Variants in EPS8 observed in about 807,000 individuals in gnomAD.
The protein encoded by EPS8 is epidermal growth factor receptor kinase substrate 8.
EPS8 carries 42 observed loss-of-function variants against 103.8 expected under a neutral mutation model. The ratio of observed to expected loss-of-function variants is 0.40; its 90% CI spans 0.32 to 0.52. The LOEUF (loss-of-function observed/expected upper bound fraction) is 0.52, where lower values mean the gene tolerates loss of function less well. EPS8 is among the 20% of genes least tolerant of loss of function. The pLI, the probability that EPS8 is intolerant of heterozygous loss-of-function variation, is 0.40. For missense variants in EPS8, 969 were observed against 1,005.1 expected (o/e 0.96, Z 0.49); for synonymous variants, 344 against 344.6 (o/e 1.00, Z 0.02).
At chr12:15,632,959 G>C (rs749092350) in intron 17 of EPS8, among the ~76,000 whole-genome samples, 7 of 152,050 alleles carry the variant, frequency 4.6e-5, no homozygotes, top group Non-Finnish European at 8.8e-5. Context: ...TATTATGAAA[G>C]GATGGAAGTA....
At chr12:15,653,932 G>A (rs989187047) in intron 13 of EPS8, among the ~76,000 whole-genome samples, 4 of 152,122 alleles carry the variant, frequency 2.6e-5, no homozygotes, top group African/African-American at 9.7e-5. Context: ...CCAACCAACA[G>A]CATTTTGTTT....
Position 15,748,275 on chromosome 12 carries a change from C to T in EPS8, c.-22+40886G>A, listed in dbSNP as rs1565528867. ...ATGTTTTGAAAACTTCGAAATTCTT[C>T]ACAAATATCAATTAAAATATTATGA... On this transcript the variant is annotated intron_variant, in intron 1 of 20. Coordinates refer to ENST00000281172, the MANE Select transcript of EPS8 (RefSeq NM_004447.6). This position sits in a 1 kb window ranked among gnomAD's most constrained non-coding sequence, Gnocchi z 4.8. Among the ~76,000 whole-genome samples, 1 of 152,120 alleles carries T rather than the reference C, an allele frequency of 6.6e-6. No homozygotes were observed. Among genetic ancestry groups the T allele is most frequent in the Non-Finnish European group, 1.5e-5 (1 of 68,024 alleles).
rs1397318155 is a variant in EPS8 at position 15,727,921 on chromosome 12, G to T, written c.-21-44949C>A. Among the ~76,000 whole-genome samples, 2 of 152,096 alleles carry T rather than the reference G, an allele frequency of 1.3e-5. No homozygotes were observed. The highest frequency in any genetic ancestry group is 4.8e-5 in the African/African-American group (2 of 41,416). On this transcript the variant is annotated intron_variant, in intron 1 of 20. Coordinates refer to ENST00000281172, the MANE Select transcript of EPS8 (RefSeq NM_004447.6). This position sits in a 1 kb window ranked among gnomAD's most constrained non-coding sequence, Gnocchi z 4.3. ...TTACTAAGATGCTTTTATCAAGATG[G>T]TTCTCCCATAATGCTTTAATAAATG... is the stretch of plus-strand genomic sequence containing the variant.
chr12:15,672,535 T>C (rs1268138549), intron 3 of EPS8: 4 of 398,138 alleles, frequency 1.0e-5, no homozygotes, highest in African/African-American at 4.1e-5. Flanking sequence ...AAAAGAAAGA[T>C]CTGGTTTCAC....
At chr12:15,788,657 G>A (rs911427585) in intron 1 of EPS8, among the ~76,000 whole-genome samples, 3 of 152,188 alleles carry the variant, frequency 2.0e-5, no homozygotes, top group Admixed American at 6.5e-5. Context: ...CAACGATTCC[G>A]AAACAATTAG....
At chr12:15,658,269 T>C (rs1234313424) in intron 11 of EPS8, 116 bp from the exon 12 acceptor site, 1 of 710,114 alleles carries the variant, frequency 1.4e-6, no homozygotes, top group Non-Finnish European at 2.4e-6. Flanking sequence ...TTTAATATAT[T>C]CTTTAGCATG....
intron 3 of EPS8, among the ~76,000 whole-genome samples, chr12:15,673,532 A>T (rs1945852046): frequency 6.6e-6 from 1 of 152,182 alleles, no homozygotes; most frequent in Non-Finnish European, 1.5e-5. Flanking sequence ...TAAAAAGCCT[A>T]ACTAAAATCT....
In EPS8 at chr12:15,771,910, G is replaced by A. The variant is rs548879460; in HGVS notation, c.-22+17251C>T. ...GAGGCCGAGGTGGGTGGATCACGAGGTCAGGAGATCGAGACCATCCTGGCT... is the reference window on the plus strand; with the variant it reads ...GAGGCCGAGGTGGGTGGATCACGAGATCAGGAGATCGAGACCATCCTGGCT... On this transcript the variant is annotated intron_variant, in intron 1 of 20. Coordinates refer to ENST00000281172, the MANE Select transcript of EPS8 (RefSeq NM_004447.6). This position sits in a 1 kb window ranked among gnomAD's most constrained non-coding sequence, Gnocchi z 4.6. 5.3e-5 allele frequency among the ~76,000 whole-genome samples: 8 copies of A among 149,556 alleles called. No individual in the cohort carries two copies. Among genetic ancestry groups the A allele is most frequent in the Non-Finnish European group, 1.2e-4 (8 of 66,176 alleles).
intron 1 of EPS8, among the ~76,000 whole-genome samples, chr12:15,737,149 A>C (rs555009505): frequency 1.9e-4 from 29 of 149,210 alleles, no homozygotes; most frequent in African/African-American, 7.2e-4. Flanking sequence ...TCTTTCAAAA[A>C]GCTCACAGCT....
rs769011147 is a variant in EPS8 at position 15,660,748 on chromosome 12, T to A, written c.811-8A>T. The A allele has an allele frequency of 6.9e-7, 1 of 1,454,278 alleles. No individual in the cohort carries two copies. Among genetic ancestry groups the A allele is most frequent in the Non-Finnish European group, 9.6e-7 (1 of 1,043,050 alleles). The allele number at this position is 1,454,278 out of a possible 1,614,324, so 90.1% of individuals were successfully genotyped here. ...AATGTGGTTTAAGATTTGCTGAAAT[T>A]AGAAATTATAGAATAAAATATAAAA... On this transcript the variant is annotated splice_region_variant and splice_polypyrimidine_tract_variant and intron_variant, in intron 9 of 20. Coordinates refer to ENST00000281172, the MANE Select transcript of EPS8 (RefSeq NM_004447.6).
rs1947068717 is a variant in EPS8, at chr12:15,764,075, G to T, written c.-22+25086C>A. Among the ~76,000 whole-genome samples, 1 of 152,176 alleles carries T rather than the reference G, an allele frequency of 6.6e-6. No homozygotes were observed. The highest frequency in any genetic ancestry group is 2.4e-5 in the African/African-American group (1 of 41,448). ...GGAAAAGAGGTTTAATGGACTCACA[G>T]TTCCACATGGCTAGGGAGGCCTCAT... is the stretch of plus-strand genomic sequence containing the variant. On this transcript the variant is annotated intron_variant, in intron 1 of 20. Coordinates refer to ENST00000281172, the MANE Select transcript of EPS8 (RefSeq NM_004447.6). This position sits in a 1 kb window ranked among gnomAD's most constrained non-coding sequence, Gnocchi z 4.1.
rs1222238270 is a variant in EPS8 at position 15,727,799 on chromosome 12, A to G, written c.-21-44827T>C. On this transcript the variant is annotated intron_variant, in intron 1 of 20. Transcript: ENST00000281172. This position sits in a 1 kb window ranked among gnomAD's most constrained non-coding sequence, Gnocchi z 4.3. ...CTCGAACCTGGGAGGTGGAGGTTGC[A>G]GTGAGCCAAGGTTGTGCCACTGCAC... 6.6e-6 allele frequency among the ~76,000 whole-genome samples: 1 copy of G among 152,236 alleles called. No individual in the cohort carries two copies. The highest frequency in any genetic ancestry group is 1.5e-5 in the Non-Finnish European group (1 of 68,048).
At chr12:15,670,788 A>G (rs1591839805) in intron 4 of EPS8, 68 bp downstream of exon 4, 2 of 1,086,870 alleles carry the variant, frequency 1.8e-6, no homozygotes, top group East Asian at 4.9e-5. Flanking sequence ...CAGAATTCTG[A>G]TTTAACTTCC....
Position 15,769,278 on chromosome 12 carries a change from T to C in EPS8, c.-22+19883A>G, listed in dbSNP as rs569793736. ...AAGAGATACAATCAGGCAAATATTA[T>C]ATGTCATTCTTTCATTATTAACATA... On this transcript the variant is annotated intron_variant, in intron 1 of 20. Transcript: ENST00000281172. This position sits in a 1 kb window ranked among gnomAD's most constrained non-coding sequence, Gnocchi z 4.6. 2.6e-5 allele frequency among the ~76,000 whole-genome samples: 4 copies of C among 152,322 alleles called. No individual in the cohort carries two copies. The highest frequency in any genetic ancestry group is 9.6e-5 in the African/African-American group (4 of 41,576).
intron 10 of EPS8, among the ~76,000 whole-genome samples, chr12:15,660,248 G>A (rs1287756852): frequency 1.3e-5 from 2 of 151,860 alleles, no homozygotes; most frequent in African/African-American, 4.8e-5. Flanking sequence ...TAGTTCTTGA[G>A]GGTCAAAACT....
At position 15,751,526 on chromosome 12, in the gene EPS8, C is replaced by T. The variant is rs924827356; in HGVS notation, c.-22+37635G>A. On this transcript the variant is annotated intron_variant, in intron 1 of 20. Coordinates refer to ENST00000281172, the MANE Select transcript of EPS8 (RefSeq NM_004447.6). The surrounding 1 kb of genome is among the most constrained non-coding windows in gnomAD (Gnocchi z 4.3). ...ACATTCAAGTGTCCTCCAGACAAAC[C>T]GGTCAATTAGTGTGCCTCCACAAAC... is the stretch of plus-strand genomic sequence containing the variant. Among the ~76,000 whole-genome samples, 7 of 152,180 alleles carry T rather than the reference C, an allele frequency of 4.6e-5. No individual in the cohort carries two copies. Among genetic ancestry groups the T allele is most frequent in the Admixed American group, 2.6e-4 (4 of 15,280 alleles).
chr12:15,653,280 T>C (rs1483432845), intron 13 of EPS8, among the ~76,000 whole-genome samples: 1 of 152,188 alleles, frequency 6.6e-6, no homozygotes, highest in East Asian at 1.9e-4. Flanking sequence ...TTCTAAAACA[T>C]AGATGTAATT....
At chr12:15,692,709 T>C (rs917921101) in intron 1 of EPS8, among the ~76,000 whole-genome samples, 1 of 152,038 alleles carries the variant, frequency 6.6e-6, no homozygotes, top group Non-Finnish European at 1.5e-5. Flanking sequence ...TCTCTACTTT[T>C]GTATTTTCTC....
In EPS8 at chr12:15,698,697, G is replaced by T. The variant is rs1449820547; in HGVS notation, c.-21-15725C>A. ...CTAAGAACTGAGCTGTTCAATTCCA[G>T]ATCCTAACAAAGAAATTTTTCCAGG... On this transcript the variant is annotated intron_variant, in intron 1 of 20. Coordinates refer to ENST00000281172, the MANE Select transcript of EPS8 (RefSeq NM_004447.6). The surrounding 1 kb of genome is among the most constrained non-coding windows in gnomAD (Gnocchi z 4.9). 6.6e-6 allele frequency among the ~76,000 whole-genome samples: 1 copy of T among 152,062 alleles called. No individual in the cohort carries two copies. Among genetic ancestry groups the T allele is most frequent in the African/African-American group, 2.4e-5 (1 of 41,374 alleles).
Sources: gnomAD v4.1 joint callset for allele counts (sites outside exome capture counted in the v4.1 genomes callset) on GRCh38, gnomAD v4.1.1 for gene constraint, Gnocchi (gnomAD v3.1) non-coding constraint, MANE v1.5 for transcripts, NCBI Gene and HGNC (gene_info 2026-07-23, HGNC 2026-07-21) for gene names.